GRIP1: variants seen among roughly 807,000 people sequenced by gnomAD.
The protein encoded by GRIP1 is glutamate receptor-interacting protein 1.
GRIP1 carries 45 observed loss-of-function variants against 129.9 expected under a neutral mutation model. That is an observed-to-expected ratio of 0.35 (90% CI 0.27 to 0.44). The LOEUF (loss-of-function observed/expected upper bound fraction) is 0.44, where lower values mean the gene tolerates loss of function less well. Ranked by LOEUF, GRIP1 falls within the 20% of genes least tolerant of loss-of-function variation. The pLI is 1.00. For synonymous variants in GRIP1, 530 were observed against 520.8 expected (o/e 1.02, Z -0.24); for missense variants, 1,196 against 1,396.8 (o/e 0.86, Z 2.29).
chr12:66,793,938 A>G (rs1402416421), intron 1 of GRIP1, among the ~76,000 whole-genome samples: 2 of 152,228 alleles, frequency 1.3e-5, no homozygotes, highest in African/African-American at 4.8e-5. Context: ...TAATGCACAT[A>G]AATTACGAAG....
intron 2 of GRIP1, among the ~76,000 whole-genome samples, chr12:66,575,517 C>A (rs2139547588): frequency 6.6e-6 from 1 of 152,296 alleles, no homozygotes; most frequent in South Asian, 2.1e-4. Flanking sequence ...CTAAAACTTT[C>A]TTTCCTTCAT....
chr12:66,598,870 T>A (rs2064162058), intron 1 of GRIP1, among the ~76,000 whole-genome samples: 1 of 152,180 alleles, frequency 6.6e-6, no homozygotes, highest in African/African-American at 2.4e-5. Flanking sequence ...AAGTCTTGAA[T>A]TGAATCCAGT....
chr12:66,749,432 A>C (rs2037055858), intron 1 of GRIP1, among the ~76,000 whole-genome samples: 1 of 152,240 alleles, frequency 6.6e-6, no homozygotes, highest in African/African-American at 2.4e-5. Flanking sequence ...ATGGCTCATA[A>C]GCAAACAATG....
chr12:66,366,858 A>AT (rs5798823), intron 23 of GRIP1, among the ~76,000 whole-genome samples: 76,564 of 151,672 alleles, frequency 0.5, 19,918 homozygotes, highest in East Asian at 0.75. Context: ...TAATTTTTTC[A>AT]TTTTTTGTAG....
chr12:67,014,784 T>C (rs2042761218), intron 1 of GRIP1, among the ~76,000 whole-genome samples: 1 of 152,152 alleles, frequency 6.6e-6, no homozygotes, highest in African/African-American at 2.4e-5. Context: ...CACAGAAAAC[T>C]GTTTTTCTAA....
At chr12:66,739,239 T>C (rs2036710388) in intron 1 of GRIP1, among the ~76,000 whole-genome samples, 1 of 152,164 alleles carries the variant, frequency 6.6e-6, no homozygotes, top group South Asian at 2.1e-4. Context: ...AGTTTGATGA[T>C]GAATGTAAAC....
At chr12:66,757,307 C>A (rs2037324707) in intron 1 of GRIP1, among the ~76,000 whole-genome samples, 2 of 152,116 alleles carry the variant, frequency 1.3e-5, no homozygotes, top group Non-Finnish European at 2.9e-5. Context: ...ATTTTTAGCA[C>A]CCACAAATAA....
At chr12:66,920,144 A>G (rs2041189365) in intron 1 of GRIP1, among the ~76,000 whole-genome samples, 1 of 152,200 alleles carries the variant, frequency 6.6e-6, no homozygotes, top group Non-Finnish European at 1.5e-5. Context: ...AAGAATTAGT[A>G]TGAGTCAAGA....
At chr12:66,703,253 C>T (rs1021937645) in intron 1 of GRIP1, among the ~76,000 whole-genome samples, 1 of 152,154 alleles carries the variant, frequency 6.6e-6, no homozygotes, top group Non-Finnish European at 1.5e-5. Context: ...CATGCACGCA[C>T]ATGTGCACAT....
intron 2 of GRIP1, among the ~76,000 whole-genome samples, chr12:66,552,915 T>C (rs116451428): frequency 0.013 from 2,030 of 152,226 alleles, 51 homozygotes; most frequent in African/African-American, 0.047. Context: ...GGAGAAGCCA[T>C]GGGCCTGCTG....
At chr12:66,992,123 C>T (rs1392258716) in intron 1 of GRIP1, among the ~76,000 whole-genome samples, 1 of 152,116 alleles carries the variant, frequency 6.6e-6, no homozygotes, top group Non-Finnish European at 1.5e-5. Flanking sequence ...AGGGCTATAG[C>T]CTCCAAATGC....
intron 3 of GRIP1, among the ~76,000 whole-genome samples, chr12:66,540,167 A>T (rs1254340354): frequency 6.6e-6 from 1 of 152,144 alleles, no homozygotes; most frequent in Non-Finnish European, 1.5e-5. Context: ...TTTTGCTATC[A>T]TGCAATGCCA....
chr12:66,994,644 A>C (rs2042441193), intron 1 of GRIP1, among the ~76,000 whole-genome samples: 2 of 152,072 alleles, frequency 1.3e-5, no homozygotes, highest in African/African-American at 4.8e-5. Context: ...TAAATTTAAC[A>C]AAACGTGTGA....
intron 6 of GRIP1, among the ~76,000 whole-genome samples, chr12:66,517,035 A>G (rs561815157): frequency 6.6e-6 from 1 of 152,336 alleles, no homozygotes; most frequent in East Asian, 1.9e-4. Context: ...CCTAGCACGT[A>G]GTAAATGCTT....
At chr12:66,878,417 G>A (rs888047480) in intron 1 of GRIP1, among the ~76,000 whole-genome samples, 1 of 151,996 alleles carries the variant, frequency 6.6e-6, no homozygotes, top group Non-Finnish European at 1.5e-5. Context: ...ATGAGTGTGA[G>A]AGGGGAGGTA....
intron 1 of GRIP1, among the ~76,000 whole-genome samples, chr12:66,956,124 G>A (rs143048297): frequency 1.3e-5 from 2 of 152,216 alleles, no homozygotes; most frequent in Non-Finnish European, 2.9e-5. Flanking sequence ...ACCAAACTCG[G>A]CTTTTTTTGG....
intron 1 of GRIP1, among the ~76,000 whole-genome samples, chr12:67,007,832 C>T (rs1357607595): frequency 6.6e-6 from 1 of 152,154 alleles, no homozygotes; most frequent in Admixed American, 6.6e-5. Flanking sequence ...AATTTAACTA[C>T]AGTCCACAAT....
intron 1 of GRIP1, among the ~76,000 whole-genome samples, chr12:66,888,800 C>A (rs536313941): frequency 6.6e-6 from 1 of 152,110 alleles, no homozygotes; most frequent in Admixed American, 6.6e-5. Context: ...TGTTTTTCTA[C>A]TGAACACAGT....
chr12:66,710,097 T>A (rs1051522379), intron 1 of GRIP1, among the ~76,000 whole-genome samples: 9 of 151,942 alleles, frequency 5.9e-5, no homozygotes, highest in Non-Finnish European at 1.2e-4. Context: ...GCAGTGAAGT[T>A]CCTCTTTTTT....
Sources: gnomAD v4.1 joint callset for allele counts (sites outside exome capture counted in the v4.1 genomes callset) on GRCh38, gnomAD v4.1.1 for gene constraint, MANE v1.5 for transcripts, NCBI Gene and HGNC (gene_info 2026-07-23, HGNC 2026-07-21) for gene names.